The following CYP39A1 variants were observed in gnomAD, a reference collection of about 807,000 sequenced individuals.
CYP39A1 encodes 24-hydroxycholesterol 7-alpha-hydroxylase.
In CYP39A1, 49 loss-of-function variants were observed where a neutral mutation model predicts 58.1. The ratio of observed to expected loss-of-function variants is 0.84; its 90% CI spans 0.67 to 1.07. The LOEUF (loss-of-function observed/expected upper bound fraction) is 1.07, where lower values mean the gene tolerates loss of function less well. CYP39A1 is among the 50% of genes least tolerant of loss of function. The pLI is 0.00. For missense variants in CYP39A1, 531 were observed against 539.4 expected (o/e 0.98, Z 0.16); for synonymous variants, 209 against 187.6 (o/e 1.11, Z -0.93).
At chr6:46,596,960 A>G (rs966937285) in intron 7 of CYP39A1, among the ~76,000 whole-genome samples, 1 of 152,126 alleles carries the variant, frequency 6.6e-6, no homozygotes, top group Non-Finnish European at 1.5e-5. Flanking sequence ...AAGTCAACGC[A>G]TTTCTCTTTT....
chr6:46,646,663 G>A (rs552253421), intron 1 of CYP39A1, among the ~76,000 whole-genome samples: 2 of 152,062 alleles, frequency 1.3e-5, no homozygotes, highest in Non-Finnish European at 2.9e-5. Flanking sequence ...ATTTGGTATA[G>A]TTTTCCAATG....
At position 46,637,906 on chromosome 6, in the gene CYP39A1, G is replaced by C; in HGVS notation, c.561C>G (p.Ile187Met). The change falls in exon 4 of 12, where the codon ATC (isoleucine) becomes ATG (methionine). Residue 187 changes from isoleucine to methionine, a missense_variant. Ile to Met is a conservative substitution (Grantham distance 10). Transcript: ENST00000275016. ...CTTGAAAATACTGATGGAACTCCTTGATTTTTTTCTTGTTTGTGGAAAACA... is the reference window on the plus strand; with the variant it reads ...CTTGAAAATACTGATGGAACTCCTTCATTTTTTTCTTGTTTGTGGAAAACA... ...KSLFSTNKKK[I>M]KEFHQYFQVY... 4.3e-6 allele frequency: 7 copies of C among 1,612,714 alleles called. No individual in the cohort carries two copies. Among genetic ancestry groups the C allele is most frequent in the Non-Finnish European group, 5.9e-6 (7 of 1,179,608 alleles).
chr6:46,601,665 C>CTAT (rs3085597), intron 7 of CYP39A1, among the ~76,000 whole-genome samples: 14,557 of 145,312 alleles, frequency 0.1, 1,145 homozygotes, highest in Admixed American at 0.18. Flanking sequence ...CTCAGGTTAC[C>CTAT]TATTATTATT....
intron 1 of CYP39A1, among the ~76,000 whole-genome samples, chr6:46,649,130 C>T (rs1179922690): frequency 6.6e-6 from 1 of 152,182 alleles, no homozygotes; most frequent in Non-Finnish European, 1.5e-5. Context: ...CTCAGGTAGT[C>T]GTATTCACTA....
intron 7 of CYP39A1, among the ~76,000 whole-genome samples, chr6:46,597,566 G>T (rs1773240955): frequency 6.6e-6 from 1 of 152,004 alleles, no homozygotes; most frequent in East Asian, 1.9e-4. Context: ...ATTAGCAAAT[G>T]GTCCAACTTC....
intron 7 of CYP39A1, among the ~76,000 whole-genome samples, chr6:46,613,145 A>G (rs892115995): frequency 6.6e-6 from 1 of 152,244 alleles, no homozygotes; most frequent in Non-Finnish European, 1.5e-5. Flanking sequence ...TTTTCACTTT[A>G]CTAGTGTTTA....
In CYP39A1 at chr6:46,652,501, T is replaced by G. The variant is rs542556486; in HGVS notation, c.82A>C (p.Arg28=). 8.7e-6 allele frequency: 14 copies of G among 1,614,012 alleles called. No individual in the cohort carries two copies. In the South Asian group the frequency reaches 1.4e-4, roughly 16 times the overall value. The part of the protein sequence containing the change: ...FLLLQRKNLR[R]PPCIKGWIPW... ...ATCCAGCCCTTGATGCACGGGGGTCTACGCAAATTCTTCCGCTGAAGGAGT... is the reference window on the plus strand; with the variant it reads ...ATCCAGCCCTTGATGCACGGGGGTCGACGCAAATTCTTCCGCTGAAGGAGT... The change falls in exon 1 of 12, where the codon AGA becomes CGA. Residue 28 remains arginine (R), a synonymous_variant. Transcript: ENST00000275016.
At chr6:46,617,061 T>A (rs1326613836) in intron 7 of CYP39A1, among the ~76,000 whole-genome samples, 3 of 152,122 alleles carry the variant, frequency 2.0e-5, no homozygotes, top group Non-Finnish European at 4.4e-5. Flanking sequence ...GTAAAGATGA[T>A]TGTCTACATA....
chr6:46,600,628 C>T (rs1715047507), intron 7 of CYP39A1, among the ~76,000 whole-genome samples: 1 of 152,044 alleles, frequency 6.6e-6, no homozygotes, highest in Non-Finnish European at 1.5e-5. Flanking sequence ...ACTGTAACTT[C>T]CATAAAATCC....
intron 10 of CYP39A1, among the ~76,000 whole-genome samples, chr6:46,575,975 C>G (rs1771824025): frequency 6.6e-6 from 1 of 152,160 alleles, no homozygotes; most frequent in Admixed American, 6.5e-5. Flanking sequence ...GTTTAATTGG[C>G]TCATGGTTCA....
intron 10 of CYP39A1, among the ~76,000 whole-genome samples, chr6:46,566,293 G>A (rs1771270467): frequency 6.6e-6 from 1 of 152,020 alleles, no homozygotes; most frequent in African/African-American, 2.4e-5. Context: ...TTTTTATACT[G>A]CTATAAAGGA....
intron 1 of CYP39A1, among the ~76,000 whole-genome samples, chr6:46,646,479 GTTATTT>G (rs1324145509): frequency 6.6e-6 from 1 of 151,922 alleles, no homozygotes; most frequent in African/African-American, 2.4e-5. Flanking sequence ...CTGATATTTT[GTTATTT>G]CTGCATCTAT....
intron 1 of CYP39A1, 144 bp downstream of exon 1, chr6:46,652,262 G>T: frequency 1.3e-6 from 1 of 789,254 alleles, no homozygotes; most frequent in Non-Finnish European, 1.9e-6. Context: ...GTTAGTAGAG[G>T]AATTCAGAAA....
rs1040965058 is a variant in CYP39A1 at position 46,642,028 on chromosome 6, T to A, written c.313+135A>T. On this transcript the variant is annotated intron_variant, in intron 2 of 11. Transcript: ENST00000275016. ...TATTCTACCCATAACTCTTTCCTCT[T>A]CTACCCATACCTCAAGAATAAAATA... 1.0e-5 allele frequency: 10 copies of A among 955,596 alleles called. No individual in the cohort carries two copies. In the African/African-American group the frequency reaches 1.7e-4, roughly 16 times the overall value. 59.2% of individuals were successfully genotyped at this position (955,596 alleles called of 1,614,324 possible).
intron 6 of CYP39A1, among the ~76,000 whole-genome samples, chr6:46,629,550 G>T (rs1775523685): frequency 1.3e-5 from 2 of 152,178 alleles, no homozygotes; most frequent in African/African-American, 2.4e-5. Context: ...TTTGAGAAAA[G>T]AGGCCAGAAT....
intron 11 of CYP39A1, among the ~76,000 whole-genome samples, chr6:46,551,569 G>C (rs1222553945): frequency 2.0e-5 from 3 of 152,122 alleles, no homozygotes; most frequent in Non-Finnish European, 2.9e-5. Context: ...GATTCATAAT[G>C]GAAGAGAATT....
chr6:46,634,523 G>GGT (rs530045412), intron 5 of CYP39A1, among the ~76,000 whole-genome samples: 4 of 131,028 alleles, frequency 3.1e-5, no homozygotes, highest in African/African-American at 1.1e-4. Flanking sequence ...TTTTCTTTTT[G>GGT]CTTTTTTTTT....
At chr6:46,649,542 A>C (rs1762539477) in intron 1 of CYP39A1, among the ~76,000 whole-genome samples, 1 of 152,264 alleles carries the variant, frequency 6.6e-6, no homozygotes, top group Non-Finnish European at 1.5e-5. Flanking sequence ...TCAAAGAATT[A>C]GGAGTTCTAT....
intron 5 of CYP39A1, among the ~76,000 whole-genome samples, chr6:46,632,228 A>G (rs1775704759): frequency 6.6e-6 from 1 of 152,210 alleles, no homozygotes; most frequent in African/African-American, 2.4e-5. Flanking sequence ...TAAAGGAAAA[A>G]ATGAGAAGGA....
Sources: allele counts gnomAD v4.1 joint callset (sites outside exome capture counted in the v4.1 genomes callset), GRCh38; gene constraint gnomAD v4.1.1; transcripts MANE v1.5; gene names NCBI Gene and HGNC (gene_info 2026-07-23, HGNC 2026-07-21).